The following NBEA variants were observed in gnomAD, a reference collection of about 807,000 sequenced individuals.
NBEA encodes the protein neurobeachin, also known as lysosomal-trafficking regulator 2.
Under a neutral mutation model 343.4 loss-of-function variants are expected in NBEA, and 44 were observed. The observed-to-expected ratio is 0.13, with a 90% confidence interval of 0.10 to 0.16. The LOEUF is 0.16. Among genes scored for constraint, NBEA ranks in the 10% least tolerant of loss-of-function variants. The pLI, the probability that NBEA is intolerant of heterozygous loss-of-function variation, is 1.00. For synonymous variants in NBEA, 1,175 were observed against 1,238.7 expected (o/e 0.95, Z 1.08); for missense variants, 2,555 against 3,631.3 (o/e 0.70, Z 7.62).
intron 1 of NBEA, among the ~76,000 whole-genome samples, chr13:35,029,845 A>G (rs2062142479): frequency 6.6e-6 from 1 of 151,722 alleles, no homozygotes; most frequent in African/African-American, 2.4e-5. Context: ...AATAAAAGTT[A>G]CTGCAGTTTA....
At chr13:35,411,213 C>T (rs1289846298) in intron 38 of NBEA, among the ~76,000 whole-genome samples, 1 of 152,138 alleles carries the variant, frequency 6.6e-6, no homozygotes, top group Admixed American at 6.6e-5. Context: ...CTGTTGAAAG[C>T]TCTGCTCTCA....
At chr13:35,410,512 A>ACT (rs2043520031) in intron 38 of NBEA, among the ~76,000 whole-genome samples, 2 of 152,170 alleles carry the variant, frequency 1.3e-5, no homozygotes, top group African/African-American at 4.8e-5. Context: ...CTTAAGATAT[A>ACT]TATCAGATGT....
At chr13:35,366,256 A>G (rs1488156228) in intron 38 of NBEA, among the ~76,000 whole-genome samples, 3 of 151,520 alleles carry the variant, frequency 2.0e-5, no homozygotes, top group South Asian at 2.1e-4. Context: ...GGAATTAACT[A>G]TGTAATGGAA....
intron 39 of NBEA, among the ~76,000 whole-genome samples, chr13:35,445,673 T>TA (rs1160503805): frequency 6.6e-6 from 1 of 151,224 alleles, no homozygotes; most frequent in Non-Finnish European, 1.5e-5. Flanking sequence ...AAACATTTGT[T>TA]ACCATTTTGA....
At chr13:35,584,094 T>C in intron 46 of NBEA, 56 bp downstream of exon 46, 2 of 1,428,552 alleles carry the variant, frequency 1.4e-6, no homozygotes, top group Middle Eastern at 1.8e-4. Context: ...TTAACATAAG[T>C]AAATTAAATA....
chr13:35,155,485 C>T (rs549745663), intron 18 of NBEA, among the ~76,000 whole-genome samples: 2 of 151,992 alleles, frequency 1.3e-5, no homozygotes, highest in East Asian at 1.9e-4. Flanking sequence ...ATTAGCCAGG[C>T]GTGGTGGCAC....
intron 38 of NBEA, among the ~76,000 whole-genome samples, chr13:35,393,389 C>T (rs1225259239): frequency 6.6e-6 from 1 of 152,064 alleles, no homozygotes; most frequent in Non-Finnish European, 1.5e-5. Flanking sequence ...AATTCTATGG[C>T]ATAGAATAAA....
intron 35 of NBEA, among the ~76,000 whole-genome samples, chr13:35,292,218 T>C (rs1191253657): frequency 6.6e-6 from 1 of 151,978 alleles, no homozygotes; most frequent in Non-Finnish European, 1.5e-5. Flanking sequence ...AATTGCTCCA[T>C]GAATGTTTAA....
At chr13:34,995,916 G>T (rs2060924847) in intron 1 of NBEA, among the ~76,000 whole-genome samples, 1 of 152,220 alleles carries the variant, frequency 6.6e-6, no homozygotes, top group African/African-American at 2.4e-5. Flanking sequence ...AGTCCTACCT[G>T]CTAATGGGAC....
intron 38 of NBEA, among the ~76,000 whole-genome samples, chr13:35,379,764 A>G (rs2041919963): frequency 6.6e-6 from 1 of 150,584 alleles, no homozygotes; most frequent in African/African-American, 2.4e-5. Context: ...TGAAAAGACC[A>G]TACTTTTTCT....
At chr13:35,045,693 A>G (rs1211641715) in intron 4 of NBEA, among the ~76,000 whole-genome samples, 1 of 151,080 alleles carries the variant, frequency 6.6e-6, no homozygotes, top group African/African-American at 2.4e-5. Flanking sequence ...ATAAAATCAT[A>G]CAGTATACAG....
intron 16 of NBEA, 138 bp downstream of exon 16, chr13:35,118,612 A>G (rs1261787824): frequency 2.1e-5 from 13 of 633,072 alleles, no homozygotes; most frequent in African/African-American, 3.7e-5. Flanking sequence ...GAATGCTGCT[A>G]TTGATCCTCG....
chr13:35,280,775 A>AT (rs564499943), intron 34 of NBEA, among the ~76,000 whole-genome samples: 7,183 of 147,072 alleles, frequency 0.049, 195 homozygotes, highest in South Asian at 0.083. Flanking sequence ...TTTTTGACAG[A>AT]TTTTTTTTTT....
intron 34 of NBEA, among the ~76,000 whole-genome samples, chr13:35,285,918 A>G (rs2152814965): frequency 6.6e-6 from 1 of 152,154 alleles, no homozygotes; most frequent in South Asian, 2.1e-4. Flanking sequence ...ATAACATTCC[A>G]ACTCCACTTT....
rs1335029025 is a variant in NBEA, at chr13:35,037,740, A to G, written c.295-3193A>G. ...CCTAAAGCTGGGGCTGGTATGACGT[A>G]TGGCACAAGCACTCCTATGACCACC... On this transcript the variant is annotated intron_variant, in intron 1 of 58. Transcript: ENST00000379939. 2.0e-5 allele frequency among the ~76,000 whole-genome samples: 3 copies of G among 152,142 alleles called. No individual in the cohort carries two copies. In the East Asian group the frequency reaches 5.8e-4, roughly 29 times the overall value.
chr13:35,059,852 T>A (rs2063403929), intron 8 of NBEA, among the ~76,000 whole-genome samples: 1 of 151,478 alleles, frequency 6.6e-6, no homozygotes, highest in South Asian at 2.1e-4. Flanking sequence ...ATAATAATAC[T>A]GAAGAAGAAT....
chr13:35,098,278 G>A lies in NBEA; in HGVS notation c.1572-19G>A, dbSNP rs771106454. On this transcript the variant is annotated intron_variant, in intron 10 of 58. Transcript: ENST00000379939. Reference sequence around the variant, plus strand: ...AAACATGTGATGATTACATAATGATGTCTGTACTTTACATGCAGTGCTACT... The same window carrying A: ...AAACATGTGATGATTACATAATGATATCTGTACTTTACATGCAGTGCTACT... The A allele has an allele frequency of 1.2e-5, 18 of 1,490,362 alleles. No individual in the cohort carries two copies. In the South Asian group the frequency reaches 2.0e-4, roughly 17 times the overall value. 92.3% of individuals were successfully genotyped at this position (1,490,362 alleles called of 1,614,324 possible). A position where few individuals can be genotyped will look rare whatever the true frequency, so the allele number is the denominator to read the frequency against.
intron 44 of NBEA, 28 bp from the exon 45 acceptor site, chr13:35,566,877 A>G (rs2153026045): frequency 7.6e-7 from 1 of 1,322,882 alleles, no homozygotes; most frequent in Non-Finnish European, 1.1e-6. Context: ...TGTGTGTACA[A>G]ATTTTTATTT....
At chr13:34,968,869 TATC>T (rs2059910556) in intron 1 of NBEA, among the ~76,000 whole-genome samples, 3 of 152,150 alleles carry the variant, frequency 2.0e-5, no homozygotes, top group African/African-American at 7.2e-5. Context: ...TGTGTTTTAA[TATC>T]AATTATTAAT....
Sources: gnomAD v4.1 joint callset for allele counts (sites outside exome capture counted in the v4.1 genomes callset) on GRCh38, gnomAD v4.1.1 for gene constraint, MANE v1.5 for transcripts, NCBI Gene and HGNC (gene_info 2026-07-23, HGNC 2026-07-21) for gene names.